Variants in CCDC181 observed in about 807,000 individuals in gnomAD.
CCDC181 encodes coiled-coil domain-containing protein 181.
CCDC181 carries 35 observed loss-of-function variants against 58.7 expected under a neutral mutation model. That is an observed-to-expected ratio of 0.60 (90% CI 0.46 to 0.79). The LOEUF (loss-of-function observed/expected upper bound fraction) is 0.79. Ranked by LOEUF, CCDC181 falls within the 30% of genes least tolerant of loss-of-function variation. The pLI, the probability that CCDC181 is intolerant of heterozygous loss-of-function variation, is 0.00. For synonymous variants in CCDC181, 183 were observed against 197.5 expected (o/e 0.93, Z 0.62); for missense variants, 517 against 583.9 (o/e 0.89, Z 1.18).
intron 2 of CCDC181, among the ~76,000 whole-genome samples, chr1:169,437,559 A>G (rs1228100083): frequency 6.6e-6 from 1 of 152,206 alleles, no homozygotes; most frequent in African/African-American, 2.4e-5. Context: ...TTGCAATGGC[A>G]GTTTCAATCC....
Position 169,414,852 on chromosome 1 carries a change from T to C in CCDC181, c.1215+4161A>G, listed in dbSNP as rs147442224. Among the ~76,000 whole-genome samples, 869 of 152,308 alleles carry C rather than the reference T, an allele frequency of 5.7e-3. 35 individuals are homozygous for C. The highest frequency in any genetic ancestry group is 0.054 in the Admixed American group (822 of 15,290). ...TAAGCCAAATTAATCAACTACCAAA[T>C]TGTGCTATATTTCAGCTTGAGTAGA... On this transcript the variant is annotated intron_variant, in intron 4 of 5. Coordinates refer to ENST00000367806, the MANE Select transcript of CCDC181 (RefSeq NM_001300969.2).
At chr1:169,430,763 C>A (rs1341635069), upstream of CCDC181, among the ~76,000 whole-genome samples, 1 of 152,056 alleles carries the variant, frequency 6.6e-6, no homozygotes, top group South Asian at 2.1e-4. Context: ...AATGTGGCAA[C>A]AGGCATGAGC....
chr1:169,430,475 G>T (rs1656886405), upstream of CCDC181, among the ~76,000 whole-genome samples: 2 of 152,086 alleles, frequency 1.3e-5, no homozygotes, highest in Admixed American at 1.3e-4. Flanking sequence ...TTTCATCAGT[G>T]TTTTTTAGTT....
chr1:169,401,007 C>T (rs547191240), intron 4 of CCDC181, among the ~76,000 whole-genome samples: 19 of 152,312 alleles, frequency 1.2e-4, no homozygotes, highest in African/African-American at 4.3e-4. Flanking sequence ...TTATATCCCG[C>T]ACCTGGCTCA....
At chr1:169,440,570 A>T (rs1657188533) in intron 2 of CCDC181, among the ~76,000 whole-genome samples, 1 of 152,232 alleles carries the variant, frequency 6.6e-6, no homozygotes, top group African/African-American at 2.4e-5. Context: ...ACATAGAGGC[A>T]TCAACTAGTT....
In CCDC181 at chr1:169,400,647, G is replaced by C. The variant is rs926509872; in HGVS notation, c.1216-3256C>G. Among the ~76,000 whole-genome samples, 9 of 152,278 alleles carry C rather than the reference G, an allele frequency of 5.9e-5. No individual in the cohort carries two copies. The South Asian group carries it at 1.0e-3, about 18-fold the overall frequency. Reference sequence around the variant, plus strand: ...AACAGGTGAATATAATGAATAAAAAGAGAATCTCAGTAAAGAAATGGAAAT... The same window carrying C: ...AACAGGTGAATATAATGAATAAAAACAGAATCTCAGTAAAGAAATGGAAAT... On this transcript the variant is annotated intron_variant, in intron 4 of 5. Transcript: ENST00000367806.
chr1:169,459,905 G>GAAAAAACAAAAA (rs1553210867), intron 1 of CCDC181: 1 of 75,194 alleles, frequency 1.3e-5, no homozygotes. Flanking sequence ...TTGAAATTAG[G>GAAAAAACAAAAA]AAAAAAAAAA....
At chr1:169,447,001 A>C (rs921939945) in intron 2 of CCDC181, among the ~76,000 whole-genome samples, 1 of 152,172 alleles carries the variant, frequency 6.6e-6, no homozygotes, top group African/African-American at 2.4e-5. Flanking sequence ...TATTTTGCTT[A>C]ATCTCCAAAT....
In CCDC181 at chr1:169,421,643, G is replaced by C. The variant is rs746840654; in HGVS notation, c.788C>G (p.Ser263Cys). ...ATCTTCTTTCTTGGTGCCACTGACA[G>C]AGGAGTTGGAAGATCTGGGTAACAA... ...QQLLPRSSNSSVSGTKKEDST... is the reference protein window; with the variant it reads ...QQLLPRSSNSCVSGTKKEDST... The change falls in exon 3 of 6, where the codon TCT (serine) becomes TGT (cysteine). Residue 263 changes from serine to cysteine, a missense_variant. Transcript: ENST00000367806. 2.1e-5 allele frequency: 34 copies of C among 1,613,998 alleles called. No homozygotes were observed. The highest frequency in any genetic ancestry group is 2.6e-5 in the Non-Finnish European group (31 of 1,180,016).
At chr1:169,460,098 T>C (rs559399289) in intron 1 of CCDC181, among the ~76,000 whole-genome samples, 6 of 152,254 alleles carry the variant, frequency 3.9e-5, no homozygotes, top group African/African-American at 1.4e-4. Context: ...GGTAAGATTT[T>C]CCTTTGGAAA....
At chr1:169,453,349 G>C (rs1357773235) in intron 2 of CCDC181, among the ~76,000 whole-genome samples, 1 of 152,064 alleles carries the variant, frequency 6.6e-6, no homozygotes, top group Non-Finnish European at 1.5e-5. Context: ...ACTACATCTT[G>C]ATGCACACTA....
At chr1:169,440,931 T>TAAAAAAAGAAAAAAAAAAAA (rs1657206917) in intron 2 of CCDC181, among the ~76,000 whole-genome samples, 1 of 76,904 alleles carries the variant, frequency 1.3e-5, no homozygotes, top group Non-Finnish European at 2.7e-5. Flanking sequence ...CAAGACTGTC[T>TAAAAAAAGAAAAAAAAAAAA]AAAAAAAAAA....
At chr1:169,413,977 C>T (rs1656101168) in intron 4 of CCDC181, among the ~76,000 whole-genome samples, 1 of 151,770 alleles carries the variant, frequency 6.6e-6, no homozygotes, top group South Asian at 2.1e-4. Context: ...ATGTAACAAA[C>T]CTGCACTTTC....
intron 3 of CCDC181, 105 bp from the exon 4 acceptor site, chr1:169,419,264 C>A (rs1656357569): frequency 9.0e-6 from 12 of 1,331,060 alleles, no homozygotes; most frequent in Middle Eastern, 2.7e-4. Context: ...ATTCCCTGAC[C>A]CTAAAACTTT....
At chr1:169,434,700 C>A (rs991949781) in intron 2 of CCDC181, among the ~76,000 whole-genome samples, 53 of 152,002 alleles carry the variant, frequency 3.5e-4, no homozygotes, top group African/African-American at 1.2e-3. Context: ...GAAAAACCCA[C>A]AGCAAACATC....
chr1:169,431,391 T>C (rs998525266), upstream of CCDC181, among the ~76,000 whole-genome samples: 3 of 152,006 alleles, frequency 2.0e-5, no homozygotes, highest in African/African-American at 7.2e-5. Flanking sequence ...CAAATGTCCA[T>C]CAAATGATGA....
chr1:169,432,672 T>G (rs1291980642), intron 2 of CCDC181, among the ~76,000 whole-genome samples: 1 of 152,120 alleles, frequency 6.6e-6, no homozygotes, highest in African/African-American at 2.4e-5. Context: ...AAGTGATTTA[T>G]TCCTAGAATG....
At position 169,421,724 on chromosome 1, in the gene CCDC181, T is replaced by A; in HGVS notation, c.707A>T (p.Gln236Leu). 6.2e-7 allele frequency: 1 copy of A among 1,614,070 alleles called. No individual in the cohort carries two copies. Among genetic ancestry groups the A allele is most frequent in the Non-Finnish European group, 8.5e-7 (1 of 1,180,000 alleles). Residue 236 changes from glutamine to leucine, a missense_variant, in exon 3 of 6, where the codon CAG becomes CTG. Gln to Leu is a moderately radical substitution (Grantham distance 113). Transcript: ENST00000367806. ...ELLNLQDIAS[Q>L]GFLPPINNAN... ...ATTATTAATGGGAGGCAAAAACCCCTGACTGGCAATGTCTTGTAAATTCAG... is the reference window on the plus strand; with the variant it reads ...ATTATTAATGGGAGGCAAAAACCCCAGACTGGCAATGTCTTGTAAATTCAG...
intron 4 of CCDC181, among the ~76,000 whole-genome samples, chr1:169,413,690 T>C (rs1656080673): frequency 6.6e-6 from 1 of 152,048 alleles, no homozygotes; most frequent in Non-Finnish European, 1.5e-5. Flanking sequence ...TATGCAGCTA[T>C]AAAAAAGGAT....
Sources: gnomAD v4.1 joint callset for allele counts (sites outside exome capture counted in the v4.1 genomes callset) on GRCh38, gnomAD v4.1.1 for gene constraint, MANE v1.5 for transcripts, NCBI Gene and HGNC (gene_info 2026-07-23, HGNC 2026-07-21) for gene names.